Variants in MATN2 observed in about 807,000 individuals in gnomAD.
MATN2 encodes matrilin 2.
Under a neutral mutation model 103.2 loss-of-function variants are expected in MATN2, and 69 were observed. That is an observed-to-expected ratio of 0.67 (90% CI 0.55 to 0.82). The LOEUF is 0.82. Among genes scored for constraint, MATN2 ranks in the 40% least tolerant of loss-of-function variants. The pLI, the probability that MATN2 is intolerant of heterozygous loss-of-function variation, is 0.00. For synonymous variants in MATN2, 429 were observed against 450.2 expected (o/e 0.95, Z 0.60); for missense variants, 1,023 against 1,211.5 (o/e 0.84, Z 2.31).
intron 4 of MATN2, among the ~76,000 whole-genome samples, chr8:97,957,926 C>T (rs1811191425): frequency 6.6e-6 from 1 of 152,154 alleles, no homozygotes; most frequent in African/African-American, 2.4e-5. Context: ...GTCGCTGCTG[C>T]TTCTGTAGAT....
At chr8:98,023,463 G>C (rs536737485) in intron 13 of MATN2, among the ~76,000 whole-genome samples, 1 of 152,122 alleles carries the variant, frequency 6.6e-6, no homozygotes, top group African/African-American at 2.4e-5. Context: ...TTGAGCTCAG[G>C]AGTTCAAGAC....
At chr8:97,970,855 T>C (rs1811632150) in intron 5 of MATN2, among the ~76,000 whole-genome samples, 1 of 152,038 alleles carries the variant, frequency 6.6e-6, no homozygotes, top group Middle Eastern at 3.4e-3. Context: ...GGAGGGAAGA[T>C]TGCTTGAGTC....
chr8:98,029,733 C>G (rs1813940352), intron 14 of MATN2, among the ~76,000 whole-genome samples: 1 of 152,142 alleles, frequency 6.6e-6, no homozygotes, highest in Non-Finnish European at 1.5e-5. Flanking sequence ...AATAAATTAG[C>G]TAGAATAAGT....
intron 13 of MATN2, 124 bp from the exon 14 acceptor site, chr8:98,027,292 T>C: frequency 2.7e-6 from 2 of 733,286 alleles, no homozygotes; most frequent in Non-Finnish European, 4.5e-6. Flanking sequence ...TCCTGTGTAT[T>C]ATCTAAAGAA....
Position 97,981,981 on chromosome 8 carries a change from C to T in MATN2, c.1081+2973C>T, listed in dbSNP as rs539183743. ...CTGTGAGGTCTCACCAGCTAGGCAG[C>T]GAGCCCAGCAGTGCAGTTGTCAGAA... On this transcript the variant is annotated intron_variant, in intron 6 of 18. Transcript: ENST00000254898. Among the ~76,000 whole-genome samples, 115 of 152,326 alleles carry T rather than the reference C, an allele frequency of 7.5e-4. 1 individual carries two copies. Among genetic ancestry groups the T allele is most frequent in the African/African-American group, 2.6e-3 (108 of 41,566 alleles).
At chr8:97,904,561 G>T (rs1370113190) in intron 2 of MATN2, among the ~76,000 whole-genome samples, 1 of 152,126 alleles carries the variant, frequency 6.6e-6, no homozygotes, top group Admixed American at 6.6e-5. Context: ...ATTGACTCTT[G>T]AGTTTCTCTG....
chr8:97,974,965 A>C (rs996917035), intron 5 of MATN2, among the ~76,000 whole-genome samples: 1 of 152,200 alleles, frequency 6.6e-6, no homozygotes. Flanking sequence ...GGCATTACTG[A>C]CAAGTTCTCA....
At chr8:98,015,708 T>G (rs537286771) in intron 10 of MATN2, among the ~76,000 whole-genome samples, 1 of 152,278 alleles carries the variant, frequency 6.6e-6, no homozygotes, top group Non-Finnish European at 1.5e-5. Flanking sequence ...TCCATAGCAC[T>G]TTTTCCCACA....
chr8:97,959,408 A>ATC (rs10676471), intron 4 of MATN2, among the ~76,000 whole-genome samples: 31,300 of 152,098 alleles, frequency 0.21, 3,699 homozygotes, highest in South Asian at 0.37. Flanking sequence ...CATTTCTTAT[A>ATC]TCTGGCCTAG....
At chr8:97,973,409 C>T (rs1811722501) in intron 5 of MATN2, among the ~76,000 whole-genome samples, 1 of 152,268 alleles carries the variant, frequency 6.6e-6, no homozygotes, top group South Asian at 2.1e-4. Context: ...AAATGGAAAA[C>T]ATCATTCAGA....
chr8:97,963,656 T>G (rs1445247544), intron 5 of MATN2, among the ~76,000 whole-genome samples: 1 of 152,144 alleles, frequency 6.6e-6, no homozygotes, highest in East Asian at 1.9e-4. Context: ...GCTGCTTGAC[T>G]GCATATAAGA....
chr8:97,974,349 G>C (rs1811761802), intron 5 of MATN2, among the ~76,000 whole-genome samples: 1 of 152,158 alleles, frequency 6.6e-6, no homozygotes, highest in Non-Finnish European at 1.5e-5. Flanking sequence ...ATGTTGGCCA[G>C]GCTGGTCTTG....
chr8:98,023,804 T>C (rs185284666), intron 13 of MATN2, among the ~76,000 whole-genome samples: 2 of 152,262 alleles, frequency 1.3e-5, no homozygotes, highest in Non-Finnish European at 2.9e-5. Context: ...TGCCCATCAA[T>C]GATAGACTGG....
intron 3 of MATN2, among the ~76,000 whole-genome samples, chr8:97,938,992 C>A (rs982739196): frequency 2.6e-5 from 4 of 152,066 alleles, no homozygotes; most frequent in African/African-American, 9.7e-5. Flanking sequence ...GCCTCAGCCT[C>A]CCGAGTAGCT....
intron 1 of MATN2, among the ~76,000 whole-genome samples, chr8:97,877,249 G>A (rs1357411875): frequency 2.0e-5 from 3 of 151,796 alleles, no homozygotes; most frequent in African/African-American, 2.4e-5. Flanking sequence ...AGGCCGAGGC[G>A]GGCGGATCAT....
intron 5 of MATN2, among the ~76,000 whole-genome samples, chr8:97,969,201 A>G (rs542835233): frequency 6.6e-5 from 10 of 152,324 alleles, no homozygotes; most frequent in Admixed American, 5.2e-4. Flanking sequence ...GGTGGTGCTA[A>G]GCCATTTATG....
rs776416495 is a variant in MATN2, at chr8:98,003,679, T to C, written c.1223T>C (p.Leu408Pro). ...KTCRRINYCA[L>P]NKPGCEHECV... ...CCCTCAGGGATCAACTACTGTGCAC[T>C]GAACAAACCGGGCTGTGAGCATGAG... Residue 408 changes from leucine to proline, a missense_variant, in exon 8 of 19, where the codon CTG (leucine) becomes CCG (proline). By Grantham distance (98) the Leu-to-Pro change is moderately conservative. Coordinates refer to ENST00000254898, the MANE Select transcript of MATN2 (RefSeq NM_002380.5). 1.9e-5 allele frequency: 30 copies of C among 1,613,386 alleles called. No homozygotes were observed. The highest frequency in any genetic ancestry group is 2.4e-5 in the Non-Finnish European group (28 of 1,179,636).
intron 2 of MATN2, among the ~76,000 whole-genome samples, chr8:97,898,597 CA>C (rs1272617710): frequency 0.034 from 3,122 of 92,148 alleles, 51 homozygotes; most frequent in African/African-American, 0.078. Context: ...AACTCCTTCT[CA>C]AAAAAAAAAA....
intron 2 of MATN2, among the ~76,000 whole-genome samples, chr8:97,922,956 A>G (rs759691503): frequency 6.6e-6 from 1 of 152,166 alleles, no homozygotes; most frequent in Non-Finnish European, 1.5e-5. Context: ...GGCATACAAT[A>G]GGTATGTTGA....
Sources: gnomAD v4.1 joint callset for allele counts (sites outside exome capture counted in the v4.1 genomes callset) on GRCh38, gnomAD v4.1.1 for gene constraint, MANE v1.5 for transcripts, NCBI Gene and HGNC (gene_info 2026-07-23, HGNC 2026-07-21) for gene names.